The following RASAL2 variants were observed in gnomAD, a reference collection of about 807,000 sequenced individuals.
RASAL2 encodes RAS protein activator like 2.
A neutral mutation model predicts 128.9 loss-of-function variants in RASAL2; 58 were observed. The ratio of observed to expected loss-of-function variants is 0.45; its 90% CI spans 0.36 to 0.56. RASAL2 has a LOEUF of 0.56. Among genes scored for constraint, RASAL2 ranks in the 20% least tolerant of loss-of-function variants. The probability of loss-of-function intolerance (pLI) is 0.00; values close to 1 mark genes in which losing one functional copy is unlikely to be tolerated. For synonymous variants in RASAL2, 561 were observed against 580.8 expected (o/e 0.97, Z 0.49); for missense variants, 1,360 against 1,601.6 (o/e 0.85, Z 2.57).
chr1:178,293,765 G>A (rs1408453929), intron 2 of RASAL2, among the ~76,000 whole-genome samples: 1 of 152,194 alleles, frequency 6.6e-6, no homozygotes, highest in Non-Finnish European at 1.5e-5. Flanking sequence ...AACTTACGTG[G>A]AATTAGTTGC....
At chr1:178,141,359 A>G (rs1044342682) in intron 1 of RASAL2, among the ~76,000 whole-genome samples, 37 of 151,656 alleles carry the variant, frequency 2.4e-4, no homozygotes, top group African/African-American at 8.5e-4. Context: ...CAGGCGAGAG[A>G]TGATTTATTT....
intron 7 of RASAL2, among the ~76,000 whole-genome samples, chr1:178,442,448 G>GAATGAACTATATATAATATATAT (rs1331103736): frequency 7.9e-5 from 12 of 151,852 alleles, no homozygotes; most frequent in African/African-American, 2.4e-4. Context: ...AAATAAAATA[G>GAATGAACTATATATAATATATAT]AATGAACTAT....
At chr1:178,277,093 A>C (rs1001271311) in intron 1 of RASAL2, among the ~76,000 whole-genome samples, 1 of 140,592 alleles carries the variant, frequency 7.1e-6, no homozygotes, top group African/African-American at 2.7e-5. Flanking sequence ...GCTTGCCGTG[A>C]GCTGAGATCG....
At chr1:178,446,085 A>C (rs1676979887) in intron 9 of RASAL2, among the ~76,000 whole-genome samples, 1 of 152,184 alleles carries the variant, frequency 6.6e-6, no homozygotes, top group Non-Finnish European at 1.5e-5. Flanking sequence ...CACTTCCCAC[A>C]ACTCCCCCAC....
chr1:178,266,142 T>C (rs1438160201), intron 1 of RASAL2, among the ~76,000 whole-genome samples: 2 of 152,238 alleles, frequency 1.3e-5, no homozygotes, highest in Admixed American at 6.5e-5. Context: ...TTGCTAGATA[T>C]GTATACGTTC....
chr1:178,309,952 C>G (rs1668161016), intron 3 of RASAL2, among the ~76,000 whole-genome samples: 1 of 152,102 alleles, frequency 6.6e-6, no homozygotes, highest in South Asian at 2.1e-4. Flanking sequence ...TGAACTGAGG[C>G]AGCTGGTAGA....
At chr1:178,289,681 C>T (rs1454559488) in intron 2 of RASAL2, among the ~76,000 whole-genome samples, 1 of 152,140 alleles carries the variant, frequency 6.6e-6, no homozygotes, top group African/African-American at 2.4e-5. Context: ...ATGTAAGAGT[C>T]ATTTTCAACA....
At chr1:178,165,017 GTTA>G (rs1032972140) in intron 1 of RASAL2, among the ~76,000 whole-genome samples, 4 of 151,894 alleles carry the variant, frequency 2.6e-5, no homozygotes, top group Non-Finnish European at 4.4e-5. Flanking sequence ...TATTATATTA[GTTA>G]TTATAAATAA....
intron 2 of RASAL2, 145 bp downstream of exon 2, chr1:178,283,836 G>T: frequency 1.1e-6 from 1 of 940,990 alleles, no homozygotes; most frequent in Non-Finnish European, 1.6e-6. Context: ...GGCTGCTAAT[G>T]TCATAAAGAT....
chr1:178,432,504 G>A (rs1159140573), intron 5 of RASAL2, among the ~76,000 whole-genome samples: 1 of 151,960 alleles, frequency 6.6e-6, no homozygotes. Flanking sequence ...ATGTTTTTAG[G>A]TTGTCTTCTC....
At chr1:178,179,292 T>C (rs1661996745) in intron 1 of RASAL2, among the ~76,000 whole-genome samples, 1 of 152,194 alleles carries the variant, frequency 6.6e-6, no homozygotes, top group East Asian at 1.9e-4. Flanking sequence ...GCCAGTGTGA[T>C]CTGGTTCTGA....
intron 1 of RASAL2, among the ~76,000 whole-genome samples, chr1:178,269,428 G>A (rs1165060552): frequency 6.6e-6 from 1 of 152,168 alleles, no homozygotes; most frequent in Non-Finnish European, 1.5e-5. Flanking sequence ...TCCTAAGTAG[G>A]AACTGGGTAC....
At chr1:178,385,978 C>T (rs1672545114) in intron 3 of RASAL2, among the ~76,000 whole-genome samples, 1 of 152,074 alleles carries the variant, frequency 6.6e-6, no homozygotes, top group South Asian at 2.1e-4. Context: ...TTTTTATTTC[C>T]CCTAAAACAC....
intron 3 of RASAL2, among the ~76,000 whole-genome samples, chr1:178,352,379 A>G (rs1043407073): frequency 6.6e-6 from 1 of 152,254 alleles, no homozygotes; most frequent in Non-Finnish European, 1.5e-5. Context: ...TTAAATCTTA[A>G]GGCTCCAAAA....
At chr1:178,383,234 G>A in intron 3 of RASAL2, among the ~76,000 whole-genome samples, 1 of 152,132 alleles carries the variant, frequency 6.6e-6, no homozygotes, top group East Asian at 1.9e-4. Context: ...AAACTTGAAA[G>A]GACTACTTGT....
At chr1:178,455,651 T>C (rs968610157) in intron 12 of RASAL2, among the ~76,000 whole-genome samples, 1 of 152,246 alleles carries the variant, frequency 6.6e-6, no homozygotes, top group Non-Finnish European at 1.5e-5. Context: ...GTTGCAGCTA[T>C]GCCAAAGATA....
chr1:178,429,283 C>T (rs1334819786), intron 5 of RASAL2, among the ~76,000 whole-genome samples: 1 of 152,132 alleles, frequency 6.6e-6, no homozygotes, highest in Non-Finnish European at 1.5e-5. Flanking sequence ...TGCTCTTGCT[C>T]TGCCACCAAC....
In RASAL2 at chr1:178,257,623, G is replaced by A. The variant is rs188457016; in HGVS notation, c.203-25941G>A. ...AAAACCAAGGCAGGTGGCTGCCCAC[G>A]TGCTTGAGCCCAGGAGTTCAAGATC... is the stretch of plus-strand genomic sequence containing the variant. On this transcript the variant is annotated intron_variant, in intron 1 of 17. Coordinates refer to ENST00000367649, the MANE Select transcript of RASAL2 (RefSeq NM_170692.4). Among the ~76,000 whole-genome samples, 6 of 152,142 alleles carry A rather than the reference G, an allele frequency of 3.9e-5. No individual in the cohort carries two copies. The East Asian group carries it at 7.8e-4, about 20-fold the overall frequency.
intron 16 of RASAL2, among the ~76,000 whole-genome samples, chr1:178,467,006 A>T (rs962366378): frequency 1.3e-5 from 2 of 152,206 alleles, no homozygotes; most frequent in Non-Finnish European, 2.9e-5. Context: ...GGTTTAGGGT[A>T]ACTTGAGATT....
Sources: allele counts gnomAD v4.1 joint callset (sites outside exome capture counted in the v4.1 genomes callset), GRCh38; gene constraint gnomAD v4.1.1; transcripts MANE v1.5; gene names NCBI Gene and HGNC (gene_info 2026-07-23, HGNC 2026-07-21).